PCCA: variants seen among roughly 807,000 people sequenced by gnomAD.
PCCA encodes the protein propionyl-CoA carboxylase subunit alpha.
PCCA carries 74 observed loss-of-function variants against 101.3 expected under a neutral mutation model. The observed-to-expected ratio is 0.73, with a 90% CI of 0.61 to 0.89. The LOEUF (loss-of-function observed/expected upper bound fraction) is 0.89. Among genes scored for constraint, PCCA ranks in the 40% least tolerant of loss-of-function variants. The pLI is 0.00. For synonymous variants in PCCA, 294 were observed against 313.6 expected (o/e 0.94, Z 0.66); for missense variants, 891 against 907.0 (o/e 0.98, Z 0.23).
Position 100,515,535 on chromosome 13 carries a change from G to A in PCCA, c.2008G>A (p.Val670Met). 1 of 1,614,082 alleles carries A rather than the reference G, an allele frequency of 6.2e-7. No individual in the cohort carries two copies. The highest frequency in any genetic ancestry group is 8.5e-7 in the Non-Finnish European group (1 of 1,180,006). Residue 670 changes from valine (V) to methionine (M), a missense_variant, in exon 22 of 24, where the codon GTG (valine) becomes ATG (methionine). Val to Met is a conservative substitution (Grantham distance 21). Transcript: ENST00000376285. ...SVLRSPMPGV[V>M]VAVSVKPGDA... ...TCTGCGTTCCCCGATGCCCGGAGTG[G>A]TGGTGGCCGTCTCTGTCAAGCCTGG...
chr13:100,371,736 A>G (rs1461576392), intron 19 of PCCA, among the ~76,000 whole-genome samples: 2 of 152,218 alleles, frequency 1.3e-5, no homozygotes, highest in Non-Finnish European at 1.5e-5. Flanking sequence ...TAGTCAAAAC[A>G]ATCCTGAAAT....
chr13:100,429,066 C>T (rs548862305), intron 20 of PCCA, among the ~76,000 whole-genome samples: 1 of 152,016 alleles, frequency 6.6e-6, no homozygotes, highest in African/African-American at 2.4e-5. Context: ...GTTAGGGATT[C>T]GGAGGTAAGA....
chr13:100,170,826 C>T (rs984140289), intron 6 of PCCA, among the ~76,000 whole-genome samples: 9 of 152,146 alleles, frequency 5.9e-5, no homozygotes, highest in Non-Finnish European at 1.2e-4. Flanking sequence ...AAATTAGTTA[C>T]ATATTTACAT....
intron 19 of PCCA, among the ~76,000 whole-genome samples, chr13:100,385,557 G>A (rs1441670019): frequency 6.6e-6 from 1 of 152,230 alleles, no homozygotes; most frequent in African/African-American, 2.4e-5. Flanking sequence ...ATCATGATGA[G>A]ATACGATTTT....
chr13:100,527,171 T>TC, intron 22 of PCCA: 5 of 388,718 alleles, frequency 1.3e-5, no homozygotes, highest in Non-Finnish European at 2.1e-5. Flanking sequence ...ACGTGTACGA[T>TC]TCGGTGGTTT....
At chr13:100,287,611 C>T (rs1361635258) in intron 12 of PCCA, among the ~76,000 whole-genome samples, 1 of 152,080 alleles carries the variant, frequency 6.6e-6, no homozygotes, top group Non-Finnish European at 1.5e-5. Flanking sequence ...ATCCCGCTGT[C>T]TTTACTTCCT....
chr13:100,420,400 C>T (rs972714435), intron 19 of PCCA, among the ~76,000 whole-genome samples: 4 of 152,086 alleles, frequency 2.6e-5, no homozygotes, highest in Non-Finnish European at 4.4e-5. Flanking sequence ...CAGTGAGAAC[C>T]TGTCTCTCCA....
At chr13:100,122,332 T>C (rs1433413533) in intron 4 of PCCA, among the ~76,000 whole-genome samples, 1 of 152,186 alleles carries the variant, frequency 6.6e-6, no homozygotes, top group Admixed American at 6.5e-5. Context: ...TGCTTGGTTT[T>C]GGTGTTAGTG....
At chr13:100,408,797 G>A (rs2077841567) in intron 19 of PCCA, among the ~76,000 whole-genome samples, 1 of 152,166 alleles carries the variant, frequency 6.6e-6, no homozygotes, top group African/African-American at 2.4e-5. Flanking sequence ...CGGGGTGGGG[G>A]TCTGGCCTAG....
chr13:100,451,715 C>CCTCTCTCCTCT (rs1778243070), intron 21 of PCCA, among the ~76,000 whole-genome samples: 1 of 95,986 alleles, frequency 1.0e-5, no homozygotes, highest in Non-Finnish European at 2.1e-5. Flanking sequence ...TCTCCTCTCT[C>CCTCTCTCCTCT]CTCTCTCTCT....
At chr13:100,158,379 C>G (rs1403113651) in intron 6 of PCCA, among the ~76,000 whole-genome samples, 1 of 152,158 alleles carries the variant, frequency 6.6e-6, no homozygotes, top group Non-Finnish European at 1.5e-5. Flanking sequence ...CACTTAAAAT[C>G]TATAACTTTA....
In PCCA at chr13:100,394,563, T is replaced by C. The variant is rs1222156060; in HGVS notation, c.1746+25989T>C. ...AAAATATAAGATAGAAACCAGTAAC[T>C]GAATCTGGTAACAGGGTAGTTGTTT... On this transcript the variant is annotated intron_variant, in intron 19 of 23. Coordinates refer to ENST00000376285, the MANE Select transcript of PCCA (RefSeq NM_000282.4). The surrounding 1 kb of genome is among the most constrained non-coding windows in gnomAD (Gnocchi z 4.3). 6.6e-6 allele frequency among the ~76,000 whole-genome samples: 1 copy of C among 152,124 alleles called. No individual in the cohort carries two copies. Among genetic ancestry groups the C allele is most frequent in the Non-Finnish European group, 1.5e-5 (1 of 68,034 alleles).
At chr13:100,233,600 A>G (rs2060616529) in intron 7 of PCCA, among the ~76,000 whole-genome samples, 2 of 152,184 alleles carry the variant, frequency 1.3e-5, no homozygotes, top group South Asian at 4.1e-4. Context: ...GTTCTCAAAG[A>G]CCATATTGGG....
At chr13:100,099,313 A>AT (rs1566461612) in intron 1 of PCCA, among the ~76,000 whole-genome samples, 1 of 144,496 alleles carries the variant, frequency 6.9e-6, no homozygotes, top group African/African-American at 2.7e-5. Flanking sequence ...GTGCTATCTA[A>AT]TCTTTTTTTT....
At chr13:100,105,836 T>C (rs1594107014) in intron 2 of PCCA, among the ~76,000 whole-genome samples, 1 of 62,788 alleles carries the variant, frequency 1.6e-5, no homozygotes. Flanking sequence ...AAGGGCAAGA[T>C]CCTGTCTCAA....
At chr13:100,212,628 C>T (rs2152484350) in intron 7 of PCCA, among the ~76,000 whole-genome samples, 1 of 152,260 alleles carries the variant, frequency 6.6e-6, no homozygotes. Flanking sequence ...CTTCATCTGC[C>T]TTCTAATTAG....
chr13:100,315,475 C>A (rs186883752), intron 16 of PCCA, among the ~76,000 whole-genome samples: 5 of 152,262 alleles, frequency 3.3e-5, no homozygotes, highest in African/African-American at 9.6e-5. Flanking sequence ...AAAGGGAAGA[C>A]AATCTACTGT....
intron 21 of PCCA, among the ~76,000 whole-genome samples, chr13:100,484,047 G>C (rs1255880704): frequency 6.6e-6 from 1 of 152,178 alleles, no homozygotes; most frequent in African/African-American, 2.4e-5. Context: ...TGCAGAGTAG[G>C]ATAACCTGCC....
intron 6 of PCCA, among the ~76,000 whole-genome samples, chr13:100,202,046 T>C (rs2058548027): frequency 6.6e-6 from 1 of 151,552 alleles, no homozygotes; most frequent in Non-Finnish European, 1.5e-5. Context: ...AATTCTTAGC[T>C]TGACTCAGCC....
Sources: allele counts gnomAD v4.1 joint callset (sites outside exome capture counted in the v4.1 genomes callset), GRCh38; gene constraint gnomAD v4.1.1; non-coding constraint Gnocchi (gnomAD v3.1); transcripts MANE v1.5; gene names NCBI Gene and HGNC (gene_info 2026-07-23, HGNC 2026-07-21).